PKHD1: variants seen among roughly 807,000 people sequenced by gnomAD.
PKHD1 encodes fibrocystin.
In PKHD1, 291 loss-of-function variants were observed where a neutral mutation model predicts 412.0. The observed-to-expected ratio is 0.71, with a 90% CI of 0.64 to 0.78. The LOEUF (loss-of-function observed/expected upper bound fraction) is 0.78. PKHD1 is among the 30% of genes least tolerant of loss of function. PKHD1 has a pLI of 0.00. For missense variants in PKHD1, 4,825 were observed against 4,950.7 expected (o/e 0.97, Z 0.76); for synonymous variants, 1,777 against 1,821.5 (o/e 0.98, Z 0.62).
intron 60 of PKHD1, among the ~76,000 whole-genome samples, chr6:51,710,524 T>G (rs1780531928): frequency 6.6e-6 from 1 of 152,268 alleles, no homozygotes; most frequent in South Asian, 2.1e-4. Context: ...TACATGAATC[T>G]TAGCTATCCA....
chr6:51,925,846 T>C (rs1785516117), intron 37 of PKHD1, among the ~76,000 whole-genome samples: 1 of 151,886 alleles, frequency 6.6e-6, no homozygotes, highest in South Asian at 2.1e-4. Flanking sequence ...CTCTCTCAAA[T>C]GGCTTATGAC....
In PKHD1 at chr6:51,638,903, C is replaced by A. The variant is rs1385935333; in HGVS notation, c.11452G>T (p.Val3818Phe). ...TGCCAGTTTGACCCAGAGATCAAGA[C>A]TGCCAAGTTGTAGAAGCTAACATAA... ...DGYVSFYNLA[V>F]LISGSNWHFI... The change falls in exon 64 of 67, where the codon GTC (valine) becomes TTC (phenylalanine). Residue 3818 changes from valine (V) to phenylalanine (F), a missense_variant. Physicochemically the swap from Val to Phe is conservative, Grantham distance 50. Transcript: ENST00000371117. 6.2e-7 allele frequency: 1 copy of A among 1,613,410 alleles called. No homozygotes were observed. Among genetic ancestry groups the A allele is most frequent in the Admixed American group, 1.7e-5 (1 of 59,964 alleles).
At chr6:51,923,637 G>T (rs1055776363) in intron 37 of PKHD1, among the ~76,000 whole-genome samples, 48 of 152,228 alleles carry the variant, frequency 3.2e-4, no homozygotes, top group African/African-American at 1.0e-3. Context: ...GAAAATATTT[G>T]TAGATTTGCC....
chr6:51,721,798 G>A, intron 60 of PKHD1: 1 of 1,479,152 alleles, frequency 6.8e-7, no homozygotes, highest in South Asian at 1.4e-5. Flanking sequence ...TCTTTGATCT[G>A]TACCATCCTC....
Position 51,934,201 on chromosome 6 carries a change from C to A in PKHD1, c.6030G>T (p.Gln2010His), listed in dbSNP as rs1416946126. ...AGTAGGAACTCCCGTAGAGTGTGAT[C>A]TGAGCTCTGCCTTGGAAGGGCTTGT... Reference protein sequence around the residue: ...SEDKPFQGRAQITLYGSSYST... With the variant: ...SEDKPFQGRAHITLYGSSYST... The change falls in exon 37 of 67, where the codon CAG (glutamine) becomes CAT (histidine). Residue 2010 changes from glutamine to histidine, a missense_variant. By Grantham distance (24) the Gln-to-His change is conservative. Transcript: ENST00000371117. 2.5e-6 allele frequency: 4 copies of A among 1,613,954 alleles called. No individual in the cohort carries two copies. The highest frequency in any genetic ancestry group is 1.3e-5 in the African/African-American group (1 of 75,044).
In PKHD1 at chr6:51,636,704, C is replaced by T. The variant is rs1768623735; in HGVS notation, c.11506+2145G>A. On this transcript the variant is annotated intron_variant, in intron 64 of 66. Coordinates refer to ENST00000371117, the MANE Select transcript of PKHD1 (RefSeq NM_138694.4). Reference sequence around the variant, plus strand: ...TTTGGCGAAAATGTGTGAATATACGCTGCTTTCCCCAACATTCTAGCACTT... The same window carrying T: ...TTTGGCGAAAATGTGTGAATATACGTTGCTTTCCCCAACATTCTAGCACTT... 3.3e-5 allele frequency among the ~76,000 whole-genome samples: 5 copies of T among 152,166 alleles called. No homozygotes were observed. In the South Asian group the frequency reaches 1.0e-3, roughly 32 times the overall value.
At chr6:51,926,024 T>C (rs1201448859) in intron 37 of PKHD1, among the ~76,000 whole-genome samples, 1 of 149,638 alleles carries the variant, frequency 6.7e-6, no homozygotes, top group Non-Finnish European at 1.5e-5. Context: ...TATATTCTTC[T>C]GGGAGAGGTA....
At chr6:51,960,314 TG>T (rs1394627658) in intron 35 of PKHD1, among the ~76,000 whole-genome samples, 1 of 152,142 alleles carries the variant, frequency 6.6e-6, no homozygotes, top group African/African-American at 2.4e-5. Context: ...GCCCAGCCCC[TG>T]GAATTCTCCA....
At chr6:51,839,102 T>C (rs1769733874) in intron 50 of PKHD1, among the ~76,000 whole-genome samples, 1 of 152,210 alleles carries the variant, frequency 6.6e-6, no homozygotes, top group South Asian at 2.1e-4. Context: ...GTAAGCAACT[T>C]AACCAGATCT....
chr6:51,747,644 T>C, intron 58 of PKHD1, 143 bp downstream of exon 58: 1 of 692,712 alleles, frequency 1.4e-6, no homozygotes, highest in Non-Finnish European at 2.5e-6. Flanking sequence ...AAACTACCAT[T>C]GTGGCTATCA....
intron 65 of PKHD1, among the ~76,000 whole-genome samples, chr6:51,630,235 A>G (rs1199639483): frequency 6.6e-6 from 1 of 152,168 alleles, no homozygotes; most frequent in Non-Finnish European, 1.5e-5. Flanking sequence ...AATGTCCACT[A>G]TTATCTGTAA....
rs765250071 is a variant in PKHD1, at chr6:52,054,090, T to C, written c.1912A>G (p.Met638Val). 13 of 1,613,816 alleles carry C rather than the reference T, an allele frequency of 8.1e-6. No homozygotes were observed. Among genetic ancestry groups the C allele is most frequent in the Non-Finnish European group, 8.5e-6 (10 of 1,179,812 alleles). ...CAGTCACAGGTGGTATTCTTTACCA[T>C]GTTTTGAAAGCCGATTGTGAAGGAC... ...IVSFTIGFQN[M>V]VKNTTCDWSL... Residue 638 changes from methionine to valine, a missense_variant, in exon 20 of 67, where the codon ATG becomes GTG. Met to Val is a conservative substitution (Grantham distance 21). Coordinates refer to ENST00000371117, the MANE Select transcript of PKHD1 (RefSeq NM_138694.4).
At chr6:51,758,192 C>T (rs1042555645) in intron 55 of PKHD1, among the ~76,000 whole-genome samples, 5 of 152,132 alleles carry the variant, frequency 3.3e-5, no homozygotes, top group Non-Finnish European at 5.9e-5. Context: ...GTTCTGGCTT[C>T]CCAAACCTTA....
chr6:51,743,713 G>A (rs1784847884), intron 60 of PKHD1, among the ~76,000 whole-genome samples: 1 of 152,182 alleles, frequency 6.6e-6, no homozygotes, highest in Non-Finnish European at 1.5e-5. Context: ...ATCAACTAAT[G>A]AGATAGGGAG....
intron 36 of PKHD1, among the ~76,000 whole-genome samples, chr6:51,950,210 G>GAAAAAAAAAAAAA (rs574963733): frequency 2.7e-5 from 3 of 113,148 alleles, no homozygotes; most frequent in Admixed American, 1.0e-4. Flanking sequence ...GCAATATAGA[G>GAAAAAAAAAAAAA]AAAAAAAAAA....
At chr6:51,970,472 A>G (rs1409318876) in intron 35 of PKHD1, among the ~76,000 whole-genome samples, 1 of 152,080 alleles carries the variant, frequency 6.6e-6, no homozygotes, top group Non-Finnish European at 1.5e-5. Flanking sequence ...CCACTTGCTT[A>G]TTTTTGGTTT....
rs1437200942 is a variant in PKHD1 at position 51,648,083 on chromosome 6, C to T, written c.11346G>A (p.Glu3782=). 1 of 1,609,164 alleles carries T rather than the reference C, an allele frequency of 6.2e-7. No homozygotes were observed. Among genetic ancestry groups the T allele is most frequent in the South Asian group, 1.1e-5 (1 of 90,990 alleles). Residue 3782 remains glutamate, a synonymous_variant, in exon 63 of 67, where the codon GAG becomes GAA. Coordinates refer to ENST00000371117, the MANE Select transcript of PKHD1 (RefSeq NM_138694.4). ...CCAGGGAAGCTGAAATTGTCCATGG[C>T]TCTGAAGGAGGTCCCAGGGACTCTA... ...RRVESLGPPS[E]PWTISASLEG...
intron 60 of PKHD1, among the ~76,000 whole-genome samples, chr6:51,668,027 A>C (rs9395704): frequency 6.6e-6 from 1 of 151,832 alleles, no homozygotes; most frequent in Non-Finnish European, 1.5e-5. Context: ...TTGGTGATGC[A>C]GGCTCTTTTT....
At chr6:51,931,228 A>G (rs1786520994) in intron 37 of PKHD1, among the ~76,000 whole-genome samples, 1 of 151,560 alleles carries the variant, frequency 6.6e-6, no homozygotes, top group Non-Finnish European at 1.5e-5. Context: ...ATTTACAAAA[A>G]CCTCTCCCAA....
Sources: gnomAD v4.1 joint callset for allele counts (sites outside exome capture counted in the v4.1 genomes callset) on GRCh38, gnomAD v4.1.1 for gene constraint, MANE v1.5 for transcripts, NCBI Gene and HGNC (gene_info 2026-07-23, HGNC 2026-07-21) for gene names.